LIPK: variants seen among roughly 807,000 people sequenced by gnomAD.
The protein encoded by LIPK is lipase family member K.
A neutral mutation model predicts 48.6 loss-of-function variants in LIPK; 32 were observed. That is an observed-to-expected ratio of 0.66 (90% CI 0.50 to 0.88). The LOEUF (loss-of-function observed/expected upper bound fraction) is 0.88. LIPK is among the 40% of genes least tolerant of loss of function. LIPK has a pLI of 0.00. For missense variants in LIPK, 507 were observed against 478.5 expected (o/e 1.06, Z -0.56); for synonymous variants, 164 against 157.4 (o/e 1.04, Z -0.32).
intron 9 of LIPK, among the ~76,000 whole-genome samples, chr10:88,749,270 T>A (rs1842823870): frequency 6.6e-6 from 1 of 152,156 alleles, no homozygotes; most frequent in Non-Finnish European, 1.5e-5. Context: ...AAAACTATTT[T>A]AAAATTCATA....
intron 1 of LIPK, among the ~76,000 whole-genome samples, chr10:88,714,455 C>T (rs1003323795): frequency 2.0e-5 from 3 of 152,044 alleles, no homozygotes; most frequent in Admixed American, 6.6e-5. Context: ...GTAAAATCGT[C>T]GATGAGTGTA....
intron 1 of LIPK, among the ~76,000 whole-genome samples, chr10:88,723,669 GGAT>G (rs1842277361): frequency 6.6e-6 from 1 of 151,884 alleles, no homozygotes. Context: ...AAGTAATACT[GGAT>G]ATAGAAAATT....
intron 1 of LIPK, among the ~76,000 whole-genome samples, chr10:88,722,160 C>T (rs147012079): frequency 0.012 from 1,775 of 152,074 alleles, 28 homozygotes; most frequent in East Asian, 0.054. Flanking sequence ...TTAGGTGTGG[C>T]GGCACGCGCC....
chr10:88,742,006 A>G (rs1296208397), intron 8 of LIPK, among the ~76,000 whole-genome samples: 1 of 152,190 alleles, frequency 6.6e-6, no homozygotes, highest in Non-Finnish European at 1.5e-5. Flanking sequence ...CTTACAATCA[A>G]TCACCGTGGA....
chr10:88,717,687 A>G (rs1842146170), intron 1 of LIPK, among the ~76,000 whole-genome samples: 1 of 152,182 alleles, frequency 6.6e-6, no homozygotes, highest in African/African-American at 2.4e-5. Context: ...CTACAGACAA[A>G]AATAAGCTGA....
At chr10:88,717,111 T>C (rs546386889) in intron 1 of LIPK, among the ~76,000 whole-genome samples, 1 of 152,220 alleles carries the variant, frequency 6.6e-6, no homozygotes, top group Admixed American at 6.5e-5. Flanking sequence ...TCCCACATGT[T>C]TGATTCCAGG....
At chr10:88,738,651 A>C (rs946602410) in intron 7 of LIPK, among the ~76,000 whole-genome samples, 1 of 152,244 alleles carries the variant, frequency 6.6e-6, no homozygotes, top group African/African-American at 2.4e-5. Flanking sequence ...CTGAGTAAAA[A>C]GACCTTGAAG....
At chr10:88,707,449 A>T (rs1417800923) in intron 1 of LIPK, among the ~76,000 whole-genome samples, 4 of 152,092 alleles carry the variant, frequency 2.6e-5, no homozygotes, top group Non-Finnish European at 5.9e-5. Flanking sequence ...TGAAGGAACA[A>T]TCTTTCAGAC....
At chr10:88,720,531 A>T (rs1352233721) in intron 1 of LIPK, among the ~76,000 whole-genome samples, 2 of 152,202 alleles carry the variant, frequency 1.3e-5, no homozygotes, top group African/African-American at 2.4e-5. Context: ...TAAAATTTTT[A>T]AAAAAGACGG....
chr10:88,737,811 C>T (rs1392705745), intron 7 of LIPK, 30 bp downstream of exon 7: 1 of 1,609,920 alleles, frequency 6.2e-7, no homozygotes, highest in African/African-American at 1.3e-5. Flanking sequence ...TCTGGGAAAA[C>T]ATTTGTTTTG....
At chr10:88,713,397 T>TGTAA (rs112497036) in intron 1 of LIPK, among the ~76,000 whole-genome samples, 109,282 of 151,724 alleles carry the variant, frequency 0.72, 39,962 homozygotes, top group East Asian at 0.99. Flanking sequence ...GATTTTTTGT[T>TGTAA]GTATTACCAT....
chr10:88,749,555 G>A (rs1842828178), intron 9 of LIPK, among the ~76,000 whole-genome samples: 1 of 152,278 alleles, frequency 6.6e-6, no homozygotes, highest in Non-Finnish European at 1.5e-5. Context: ...TAACTGGCTA[G>A]CCATATGCAG....
At chr10:88,732,695 A>G (rs1842493073) in intron 6 of LIPK, 144 bp downstream of exon 6, 1 of 838,870 alleles carries the variant, frequency 1.2e-6, no homozygotes, top group Non-Finnish European at 1.9e-6. Flanking sequence ...CTGATGATGT[A>G]TGCAATCTTA....
chr10:88,708,406 T>C (rs979660977), intron 1 of LIPK, among the ~76,000 whole-genome samples: 1 of 152,120 alleles, frequency 6.6e-6, no homozygotes, highest in Non-Finnish European at 1.5e-5. Context: ...TCTTCTAGTC[T>C]TTTGAAGACC....
rs980736474 is a variant in LIPK at position 88,734,141 on chromosome 10, A to G, written c.669+1590A>G. 2.6e-5 allele frequency among the ~76,000 whole-genome samples: 4 copies of G among 152,234 alleles called. No individual in the cohort carries two copies. The East Asian group carries it at 7.7e-4, about 29-fold the overall frequency. On this transcript the variant is annotated intron_variant, in intron 6 of 9. Coordinates refer to ENST00000404190, the MANE Select transcript of LIPK (RefSeq NM_001080518.2). ...GAAGAACTGCCACATATGACCTACT[A>G]ATTCCTAGTAGAAATTCCAGTATTA...
chr10:88,726,319 T>G (rs1316830607), intron 2 of LIPK, among the ~76,000 whole-genome samples: 1 of 152,210 alleles, frequency 6.6e-6, no homozygotes, highest in Non-Finnish European at 1.5e-5. Context: ...TAGAAATCCC[T>G]CTTAAATTAT....
At chr10:88,707,040 C>T (rs1841948986) in intron 1 of LIPK, among the ~76,000 whole-genome samples, 1 of 152,118 alleles carries the variant, frequency 6.6e-6, no homozygotes, top group African/African-American at 2.4e-5. Context: ...TCCCTCTAGA[C>T]ATAGAGAGAT....
chr10:88,717,686 A>G (rs1172700615), intron 1 of LIPK, among the ~76,000 whole-genome samples: 1 of 152,204 alleles, frequency 6.6e-6, no homozygotes, highest in East Asian at 1.9e-4. Flanking sequence ...TCTACAGACA[A>G]AAATAAGCTG....
intron 8 of LIPK, 139 bp downstream of exon 8, chr10:88,740,206 C>T (rs565981045): frequency 1.7e-5 from 8 of 475,574 alleles, no homozygotes; most frequent in African/African-American, 1.4e-4. Flanking sequence ...ATCAACTCTT[C>T]ATTTTTATTT....
Sources: allele counts gnomAD v4.1 joint callset (sites outside exome capture counted in the v4.1 genomes callset), GRCh38; gene constraint gnomAD v4.1.1; transcripts MANE v1.5; gene names NCBI Gene and HGNC (gene_info 2026-07-23, HGNC 2026-07-21).